Variants in TEKT5 observed in about 807,000 individuals in gnomAD.
TEKT5 encodes the protein tektin 5.
In TEKT5, 52 loss-of-function variants were observed where a neutral mutation model predicts 48.7. The observed-to-expected ratio is 1.07, with a 90% CI of 0.86 to 1.35. TEKT5 has a LOEUF of 1.35. Among genes scored for constraint, TEKT5 ranks in the 40% most tolerant of loss-of-function variants. TEKT5 has a pLI of 0.00. For synonymous variants in TEKT5, 318 were observed against 267.6 expected, an observed-to-expected ratio of 1.19 and a Z score of -1.84; for missense variants, 831 against 641.6, an observed-to-expected ratio of 1.30 and a Z score of -3.19.
chr16:10,686,456 C>CA (rs58181454), intron 3 of TEKT5, among the ~76,000 whole-genome samples: 7,379 of 115,378 alleles, frequency 0.064, 395 homozygotes, highest in African/African-American at 0.16. Context: ...GACTCCATCT[C>CA]AAAAAAAAAA....
At chr16:10,682,649 G>C (rs1363136074) in intron 3 of TEKT5, among the ~76,000 whole-genome samples, 1 of 152,184 alleles carries the variant, frequency 6.6e-6, no homozygotes, top group Admixed American at 6.5e-5. Flanking sequence ...TTAGAAGAAG[G>C]ATGGGTAAGC....
intron 3 of TEKT5, among the ~76,000 whole-genome samples, chr16:10,683,190 G>C (rs1466102597): frequency 6.6e-6 from 1 of 152,096 alleles, no homozygotes; most frequent in East Asian, 1.9e-4. Context: ...CCTTATGGGG[G>C]AATGAGAATT....
At chr16:10,646,733 G>C (rs1337032791) in intron 5 of TEKT5, among the ~76,000 whole-genome samples, 2 of 152,190 alleles carry the variant, frequency 1.3e-5, no homozygotes, top group African/African-American at 4.8e-5. Flanking sequence ...CGAGAAGCTG[G>C]GTTATGGGAG....
rs758598614 is a variant in TEKT5, at chr16:10,627,678, C to A, written c.1363G>T (p.Ala455Ser). The change falls in exon 7 of 7, where the codon GCC becomes TCC. Residue 455 changes from alanine (A) to serine (S), a missense_variant. By Grantham distance (99) the Ala-to-Ser change is moderately conservative (BLOSUM62 1). Transcript: ENST00000283025. ...ATGCAGAGGGTGTTGGCCTTGATGG[C>A]GAGCTCGTGCTCCAGCCGGCACTTG... is the stretch of plus-strand genomic sequence containing the variant. Reference protein sequence around the residue: ...MTKCRLEHELAIKANTLCIDK... With the variant: ...MTKCRLEHELSIKANTLCIDK... 1 of 1,614,176 alleles carries A rather than the reference C, an allele frequency of 6.2e-7. No homozygotes were observed.
chr16:10,682,470 G>T (rs1373360024), intron 3 of TEKT5, among the ~76,000 whole-genome samples: 1 of 152,212 alleles, frequency 6.6e-6, no homozygotes, highest in Non-Finnish European at 1.5e-5. Context: ...TAGGGCTACA[G>T]GCATGGGCCA....
chr16:10,690,020 G>A lies in TEKT5; in HGVS notation c.570C>T (p.Ala190=). The A allele has an allele frequency of 6.2e-7, 1 of 1,613,974 alleles. No homozygotes were observed. The highest frequency in any genetic ancestry group is 8.5e-7 in the Non-Finnish European group (1 of 1,179,994). Residue 190 remains alanine (A), a synonymous_variant, in exon 2 of 7, where the codon GCC becomes GCT. Coordinates refer to ENST00000283025, the MANE Select transcript of TEKT5 (RefSeq NM_144674.2). ...TCTCTCGATGGTACAGACACTCCAA[G>A]GCCACCTGTGGGAAGCAGCAGAAAG... ...ANEVNCPLQV[A]LECLYHREKR... is the part of the protein sequence containing the mutation.
chr16:10,688,889 G>A (rs939171621), intron 3 of TEKT5, among the ~76,000 whole-genome samples: 10 of 152,186 alleles, frequency 6.6e-5, no homozygotes, highest in African/African-American at 2.4e-4. Context: ...ACTCAAATGG[G>A]GAAGCCACAG....
At chr16:10,693,157 G>A (rs912716122) in intron 1 of TEKT5, among the ~76,000 whole-genome samples, 2 of 152,120 alleles carry the variant, frequency 1.3e-5, no homozygotes, top group Admixed American at 6.6e-5. Context: ...GTGCAGTGGC[G>A]CAATCTCAGC....
At position 10,694,613 on chromosome 16, in the gene TEKT5, AGAG is replaced by A; in HGVS notation, c.258_260del (p.Ser87del). ...GGTCCCAGTCGTGGGGGCTATAGCG[AGAG>A]AAGAGTGCGGAGCGCAGTGTGGGCA... On this transcript the variant is annotated inframe_deletion, in exon 1 of 7. Coordinates refer to ENST00000283025, the MANE Select transcript of TEKT5 (RefSeq NM_144674.2). 6.2e-7 allele frequency: 1 copy of A among 1,611,296 alleles called. No individual in the cohort carries two copies. Among genetic ancestry groups the A allele is most frequent in the East Asian group, 2.2e-5 (1 of 44,858 alleles).
intron 6 of TEKT5, among the ~76,000 whole-genome samples, chr16:10,633,534 C>A (rs1897869981): frequency 6.6e-6 from 1 of 152,078 alleles, no homozygotes; most frequent in African/African-American, 2.4e-5. Context: ...ACTTCCAGGG[C>A]TGAAGACCTA....
intron 4 of TEKT5, among the ~76,000 whole-genome samples, chr16:10,680,933 G>C (rs1409985815): frequency 6.7e-6 from 1 of 149,656 alleles, no homozygotes; most frequent in Non-Finnish European, 1.5e-5. Flanking sequence ...TGGGTGCAGC[G>C]CACGAGCATG....
At chr16:10,632,642 G>A (rs571289565) in intron 6 of TEKT5, among the ~76,000 whole-genome samples, 2 of 152,060 alleles carry the variant, frequency 1.3e-5, no homozygotes, top group South Asian at 2.1e-4. Context: ...GGATAGGCAT[G>A]GATGGGACCC....
chr16:10,673,646 ATTTT>A (rs60322821), intron 5 of TEKT5, among the ~76,000 whole-genome samples: 22,882 of 105,494 alleles, frequency 0.22, 2,189 homozygotes, highest in East Asian at 0.51. Context: ...CACCCATTCT[ATTTT>A]TTTTTTTTTT....
At chr16:10,668,923 C>T (rs1567232194) in intron 5 of TEKT5, among the ~76,000 whole-genome samples, 1 of 152,156 alleles carries the variant, frequency 6.6e-6, no homozygotes. Flanking sequence ...CTAACTGGAG[C>T]ACCTGACCCA....
chr16:10,674,596 C>A (rs1596414512), intron 5 of TEKT5, among the ~76,000 whole-genome samples: 2 of 107,140 alleles, frequency 1.9e-5, no homozygotes, highest in East Asian at 5.6e-4. Flanking sequence ...CCAGCCTGGG[C>A]AACAGAGCAA....
intron 5 of TEKT5, chr16:10,671,795 GA>G (rs1898552868): frequency 6.6e-6 from 1 of 152,250 alleles, no homozygotes; most frequent in African/African-American, 2.4e-5. Context: ...GCAGGCAAAA[GA>G]GAATGTGCAG....
rs1317223057 is a variant in TEKT5, at chr16:10,635,264, G to A, written c.1241+500C>T. ...GAAAGCCCTTCGTCAACAGACACCA[G>A]CCTCTTTAGCACAGCAGGATGGGTG... is the stretch of plus-strand genomic sequence containing the variant. On this transcript the variant is annotated intron_variant, in intron 6 of 6. Coordinates refer to ENST00000283025, the MANE Select transcript of TEKT5 (RefSeq NM_144674.2). Among the ~76,000 whole-genome samples, 10 of 147,762 alleles carry A rather than the reference G, an allele frequency of 6.8e-5. No individual in the cohort carries two copies. The Admixed American group carries it at 7.0e-4, about 10-fold the overall frequency.
intron 5 of TEKT5, among the ~76,000 whole-genome samples, chr16:10,673,544 C>A (rs1345798320): frequency 1.3e-5 from 2 of 152,068 alleles, no homozygotes; most frequent in African/African-American, 4.8e-5. Context: ...GTATCTCACC[C>A]TTTTCTGGTC....
chr16:10,649,225 G>A (rs924114638), intron 5 of TEKT5, among the ~76,000 whole-genome samples: 1 of 151,554 alleles, frequency 6.6e-6, no homozygotes, highest in Non-Finnish European at 1.5e-5. Context: ...CTCAGGTGAT[G>A]TTCCCAACCC....
Sources: gnomAD v4.1 joint callset for allele counts (sites outside exome capture counted in the v4.1 genomes callset) on GRCh38, gnomAD v4.1.1 for gene constraint, MANE v1.5 for transcripts, NCBI Gene and HGNC (gene_info 2026-07-23, HGNC 2026-07-21) for gene names.